The following PLPPR1 variants were observed in gnomAD, a reference collection of about 807,000 sequenced individuals.
PLPPR1 encodes the protein phospholipid phosphatase related 1.
Under a neutral mutation model 33.1 loss-of-function variants are expected in PLPPR1, and 10 were observed. That is an observed-to-expected ratio of 0.30 (90% CI 0.19 to 0.51). The LOEUF is 0.51. Among genes scored for constraint, PLPPR1 ranks in the 20% least tolerant of loss-of-function variants. PLPPR1 has a pLI of 0.97. For missense variants in PLPPR1, 304 were observed against 408.1 expected (o/e 0.74, Z 2.20); for synonymous variants, 151 against 151.0 (o/e 1.00, Z 0.00).
chr9:101,241,325 G>A (rs75328174), intron 2 of PLPPR1, among the ~76,000 whole-genome samples: 3,049 of 152,124 alleles, frequency 0.02, 92 homozygotes, highest in African/African-American at 0.07. Flanking sequence ...GGCTAGACCA[G>A]GGGTGTCCAG....
intron 2 of PLPPR1, among the ~76,000 whole-genome samples, chr9:101,261,693 G>A (rs553685481): frequency 2.0e-5 from 3 of 152,174 alleles, no homozygotes; most frequent in Non-Finnish European, 2.9e-5. Context: ...CATGTCCTTC[G>A]CCGGAACATG....
chr9:101,076,743 A>G (rs922167390), intron 1 of PLPPR1, among the ~76,000 whole-genome samples: 3 of 152,178 alleles, frequency 2.0e-5, no homozygotes, highest in African/African-American at 7.2e-5. Context: ...TACTCTGGAT[A>G]TCAGCTCATT....
At chr9:101,127,867 G>A (rs967860136) in intron 1 of PLPPR1, among the ~76,000 whole-genome samples, 1 of 152,162 alleles carries the variant, frequency 6.6e-6, no homozygotes, top group East Asian at 1.9e-4. Flanking sequence ...CCAGGAAGGG[G>A]TGGGGTAAAT....
At chr9:101,210,258 A>G (rs1475771232) in intron 2 of PLPPR1, among the ~76,000 whole-genome samples, 1 of 152,332 alleles carries the variant, frequency 6.6e-6, no homozygotes, top group East Asian at 1.9e-4. Context: ...AGCCCCTGCT[A>G]TTTCTTTAGA....
At chr9:101,088,004 C>G (rs141616731) in intron 1 of PLPPR1, among the ~76,000 whole-genome samples, 64 of 152,246 alleles carry the variant, frequency 4.2e-4, no homozygotes, top group Non-Finnish European at 7.8e-4. Context: ...GAGAGTTTGT[C>G]AACACTGCAC....
chr9:101,211,544 ATAT>A (rs968937548), intron 2 of PLPPR1, among the ~76,000 whole-genome samples: 2 of 152,130 alleles, frequency 1.3e-5, no homozygotes, highest in African/African-American at 2.4e-5. Context: ...TGGCCAGAAA[ATAT>A]TCTATAAATG....
intron 4 of PLPPR1, among the ~76,000 whole-genome samples, chr9:101,294,446 A>T (rs1007664489): frequency 1.3e-5 from 2 of 151,840 alleles, no homozygotes; most frequent in African/African-American, 4.8e-5. Context: ...TCCCTAACTC[A>T]TTTTATGAGG....
chr9:101,131,169 C>A (rs74819350), intron 1 of PLPPR1, among the ~76,000 whole-genome samples: 1,566 of 152,200 alleles, frequency 0.01, 26 homozygotes, highest in African/African-American at 0.03. Flanking sequence ...ATTTTAAAAA[C>A]ATTGCCTATT....
At chr9:101,208,317 C>T (rs550250924) in intron 2 of PLPPR1, among the ~76,000 whole-genome samples, 1 of 150,676 alleles carries the variant, frequency 6.6e-6, no homozygotes, top group East Asian at 2.0e-4. Context: ...TGATTAAAGT[C>T]CTCTGGAGAC....
At chr9:101,305,207 G>A (rs1429687262) in intron 4 of PLPPR1, among the ~76,000 whole-genome samples, 2 of 133,374 alleles carry the variant, frequency 1.5e-5, no homozygotes, top group Non-Finnish European at 3.5e-5. Flanking sequence ...AGGTAAAAGT[G>A]TGTGTGTGTG....
chr9:101,057,506 A>T (rs762372860), intron 1 of PLPPR1, among the ~76,000 whole-genome samples: 7 of 152,164 alleles, frequency 4.6e-5, no homozygotes, highest in Non-Finnish European at 1.0e-4. Context: ...GCATTGTGGA[A>T]ATGCACAATA....
chr9:101,112,669 C>T (rs1467563561), intron 1 of PLPPR1, among the ~76,000 whole-genome samples: 3 of 152,194 alleles, frequency 2.0e-5, no homozygotes, highest in Non-Finnish European at 2.9e-5. Flanking sequence ...TGGTGCTTCA[C>T]ACTTTGGGGA....
chr9:101,305,263 AAGAG>A (rs541019351), intron 4 of PLPPR1, among the ~76,000 whole-genome samples: 8 of 152,000 alleles, frequency 5.3e-5, no homozygotes, highest in African/African-American at 7.3e-5. Context: ...GTGTGAGAAA[AAGAG>A]AGAGATTAAA....
At chr9:101,037,793 T>G (rs547129791) in intron 1 of PLPPR1, among the ~76,000 whole-genome samples, 2 of 152,190 alleles carry the variant, frequency 1.3e-5, no homozygotes, top group South Asian at 2.1e-4. Context: ...GTCTGTATTT[T>G]TTTTTTTCTG....
intron 2 of PLPPR1, among the ~76,000 whole-genome samples, chr9:101,254,626 AG>A (rs1301597077): frequency 1.3e-5 from 2 of 152,126 alleles, no homozygotes; most frequent in African/African-American, 2.4e-5. Flanking sequence ...CCAATCCAAT[AG>A]TTGCTAATAT....
intron 1 of PLPPR1, among the ~76,000 whole-genome samples, chr9:101,173,485 G>A (rs1825975395): frequency 6.6e-6 from 1 of 152,028 alleles, no homozygotes; most frequent in Non-Finnish European, 1.5e-5. Flanking sequence ...CTTTCTTCTG[G>A]AGTTCAGAGT....
intron 4 of PLPPR1, among the ~76,000 whole-genome samples, chr9:101,305,545 C>T (rs894208781): frequency 2.0e-5 from 3 of 152,150 alleles, no homozygotes; most frequent in Admixed American, 2.0e-4. Context: ...GAACATGGTC[C>T]TTCCTTTGCT....
At chr9:101,234,486 T>C (rs575541873) in intron 2 of PLPPR1, among the ~76,000 whole-genome samples, 11 of 152,036 alleles carry the variant, frequency 7.2e-5, no homozygotes, top group African/African-American at 2.4e-4. Flanking sequence ...CTCCCTTTTA[T>C]TGACTTGGTT....
intron 1 of PLPPR1, among the ~76,000 whole-genome samples, chr9:101,176,748 G>T (rs539417360): frequency 6.6e-6 from 1 of 152,158 alleles, no homozygotes; most frequent in Non-Finnish European, 1.5e-5. Context: ...AGCGTCAGGG[G>T]AGTTACAGTA....
Sources: allele counts gnomAD v4.1 joint callset (sites outside exome capture counted in the v4.1 genomes callset), GRCh38; gene constraint gnomAD v4.1.1; transcripts MANE v1.5; gene names NCBI Gene and HGNC (gene_info 2026-07-23, HGNC 2026-07-21).